The following NREP variants were observed in gnomAD, a reference collection of about 807,000 sequenced individuals.
NREP encodes neuronal regeneration related protein.
Under a neutral mutation model 8.6 loss-of-function variants are expected in NREP, and 5 were observed. That is an observed-to-expected ratio of 0.58 (90% CI 0.30 to 1.22). The LOEUF (loss-of-function observed/expected upper bound fraction) is 1.22, where lower values mean the gene tolerates loss of function less well. NREP is among the 50% of genes most tolerant of loss of function. NREP has a pLI of 0.07. For synonymous variants in NREP, 27 were observed against 28.0 expected (o/e 0.96, Z 0.11); for missense variants, 86 against 82.5 (o/e 1.04, Z -0.17).
intron 2 of NREP, among the ~76,000 whole-genome samples, chr5:111,870,820 C>G (rs1753771648): frequency 6.6e-6 from 1 of 152,078 alleles, no homozygotes; most frequent in Non-Finnish European, 1.5e-5. Flanking sequence ...TTGAAGGCCA[C>G]CACTGGAAGC....
chr5:111,774,572 G>A (rs963419403), intron 2 of NREP, among the ~76,000 whole-genome samples: 2 of 152,160 alleles, frequency 1.3e-5, no homozygotes, highest in Non-Finnish European at 2.9e-5. Context: ...GTGTGTAAAC[G>A]AGTCAGTGTC....
chr5:111,854,968 G>A (rs1001624041), intron 2 of NREP, among the ~76,000 whole-genome samples: 1 of 151,936 alleles, frequency 6.6e-6, no homozygotes, highest in Non-Finnish European at 1.5e-5. Flanking sequence ...ATAAATTCTT[G>A]TTTATTCATC....
At chr5:111,840,151 T>C (rs1752992973) in intron 2 of NREP, among the ~76,000 whole-genome samples, 1 of 151,948 alleles carries the variant, frequency 6.6e-6, no homozygotes, top group Non-Finnish European at 1.5e-5. Flanking sequence ...ATATAATTTA[T>C]ACACACACAC....
intron 2 of NREP, among the ~76,000 whole-genome samples, chr5:111,826,954 G>T (rs2112930519): frequency 6.6e-6 from 1 of 152,304 alleles, no homozygotes; most frequent in East Asian, 1.9e-4. Flanking sequence ...ATTAATATTT[G>T]TTGGGTTGCC....
intron 2 of NREP, among the ~76,000 whole-genome samples, chr5:111,844,629 T>G (rs1055135401): frequency 4.7e-5 from 7 of 147,802 alleles, no homozygotes; most frequent in African/African-American, 1.7e-4. Context: ...ATTTAGTTGA[T>G]ATACATTATA....
rs78010080 is a variant in NREP at position 111,816,281 on chromosome 5, G to A, written c.136-80774C>T. Among the ~76,000 whole-genome samples, 247 of 152,054 alleles carry A rather than the reference G, an allele frequency of 1.6e-3. No homozygotes were observed. In the East Asian group the frequency reaches 0.034, roughly 21 times the overall value. ...CCAAAGAGATTTCTTCTACCAACAG[G>A]AAAATGATCCTACATAGAGGCACAA... On this transcript the variant is annotated intron_variant, in intron 2 of 3. Coordinates refer to the NREP transcript ENST00000395634.
At chr5:111,865,489 T>C (rs1412670487) in intron 2 of NREP, among the ~76,000 whole-genome samples, 1 of 152,154 alleles carries the variant, frequency 6.6e-6, no homozygotes, top group African/African-American at 2.4e-5. Flanking sequence ...CATGTAACAC[T>C]GAGAGCTTGA....
At chr5:111,833,894 A>C (rs1375702415) in intron 2 of NREP, among the ~76,000 whole-genome samples, 1 of 152,170 alleles carries the variant, frequency 6.6e-6, no homozygotes, top group Non-Finnish European at 1.5e-5. Flanking sequence ...TTTGTTTCAG[A>C]CTATAGTTTT....
At chr5:111,803,469 A>G (rs1179071574) in intron 2 of NREP, among the ~76,000 whole-genome samples, 2 of 151,814 alleles carry the variant, frequency 1.3e-5, no homozygotes, top group Non-Finnish European at 2.9e-5. Flanking sequence ...TCCAATAATT[A>G]TTTTTTCTTA....
At chr5:111,931,292 T>C (rs1313666939) in intron 2 of NREP, among the ~76,000 whole-genome samples, 1 of 152,066 alleles carries the variant, frequency 6.6e-6, no homozygotes, top group African/African-American at 2.4e-5. Context: ...AGTGATGGTA[T>C]GCAACTGCAG....
intron 2 of NREP, among the ~76,000 whole-genome samples, chr5:111,791,083 T>C (rs936759929): frequency 1.3e-5 from 2 of 152,186 alleles, no homozygotes; most frequent in Non-Finnish European, 2.9e-5. Context: ...CAATTGTTTA[T>C]TGCTTTTGTA....
At chr5:111,792,585 AAGC>A (rs1398330399) in intron 2 of NREP, among the ~76,000 whole-genome samples, 2 of 152,210 alleles carry the variant, frequency 1.3e-5, no homozygotes, top group Non-Finnish European at 2.9e-5. Flanking sequence ...AAAAAGAGTG[AAGC>A]AGTTTTCTCA....
At chr5:111,879,125 G>A (rs1166809658) in intron 2 of NREP, among the ~76,000 whole-genome samples, 1 of 152,154 alleles carries the variant, frequency 6.6e-6, no homozygotes, top group Non-Finnish European at 1.5e-5. Context: ...CCTGGCAACT[G>A]CCCCTGCTCC....
At chr5:111,902,514 A>T (rs921276943) in intron 2 of NREP, among the ~76,000 whole-genome samples, 1 of 152,166 alleles carries the variant, frequency 6.6e-6, no homozygotes, top group Non-Finnish European at 1.5e-5. Flanking sequence ...GACAAACTAC[A>T]ATCAAAGTAA....
intron 2 of NREP, among the ~76,000 whole-genome samples, chr5:111,952,860 A>G (rs952584223): frequency 1.3e-5 from 2 of 152,118 alleles, no homozygotes; most frequent in African/African-American, 4.8e-5. Flanking sequence ...TACAAAACAG[A>G]TATATAAAAA....
chr5:111,975,421 CCT>C (rs1470462644), intron 1 of NREP: 3 of 1,369,430 alleles, frequency 2.2e-6, no homozygotes, highest in Non-Finnish European at 3.1e-6. Flanking sequence ...CACTGACCCC[CCT>C]GAGTGCCACA....
chr5:111,864,262 T>C (rs1753616668), intron 2 of NREP, among the ~76,000 whole-genome samples: 1 of 152,126 alleles, frequency 6.6e-6, no homozygotes, highest in Non-Finnish European at 1.5e-5. Flanking sequence ...TGAAATACTA[T>C]GTACCCAATG....
At chr5:111,964,855 CAAAAAAAAA>C (rs58877839) in intron 2 of NREP, among the ~76,000 whole-genome samples, 1 of 44,890 alleles carries the variant, frequency 2.2e-5, no homozygotes, top group African/African-American at 6.4e-5. Context: ...CTTTCAGCAG[CAAAAAAAAA>C]AAAAAAAAAA....
Position 111,801,654 on chromosome 5 carries a change from T to C in NREP, c.136-66147A>G, listed in dbSNP as rs555872117. Reference sequence around the variant, plus strand: ...AGAAAAAAATATATACATACAAGTATGAGCTACACAGTAGCAATTATGTAA... The same window carrying C: ...AGAAAAAAATATATACATACAAGTACGAGCTACACAGTAGCAATTATGTAA... On this transcript the variant is annotated intron_variant, in intron 2 of 3. Transcript: ENST00000395634. Among the ~76,000 whole-genome samples the C allele has an allele frequency of 1.1e-3, 161 of 152,328 alleles. 1 individual carries two copies. Among genetic ancestry groups the C allele is most frequent in the Non-Finnish European group, 1.8e-3 (124 of 68,030 alleles).
Sources: allele counts gnomAD v4.1 joint callset (sites outside exome capture counted in the v4.1 genomes callset), GRCh38; gene constraint gnomAD v4.1.1; transcripts MANE v1.5; gene names NCBI Gene and HGNC (gene_info 2026-07-23, HGNC 2026-07-21).